PHACTR3: variants seen among roughly 807,000 people sequenced by gnomAD.
PHACTR3 encodes protein phosphatase 1, regulatory subunit 123.
PHACTR3 carries 16 observed loss-of-function variants against 66.8 expected under a neutral mutation model. The ratio of observed to expected loss-of-function variants is 0.24; its 90% CI spans 0.16 to 0.36. The LOEUF is 0.36. PHACTR3 is among the 10% of genes least tolerant of loss of function. The probability of loss-of-function intolerance (pLI) is 1.00; values close to 1 mark genes in which losing one functional copy is unlikely to be tolerated. For missense variants in PHACTR3, 647 were observed against 719.9 expected (o/e 0.90, Z 1.16); for synonymous variants, 323 against 292.1 (o/e 1.11, Z -1.08).
rs547640764 is a variant in PHACTR3, at chr20:59,581,619, C to T, written c.109+4002C>T. 3.3e-5 allele frequency among the ~76,000 whole-genome samples: 5 copies of T among 152,334 alleles called. No individual in the cohort carries two copies. In the East Asian group the frequency reaches 5.8e-4, roughly 18 times the overall value. ...GGCCTAGGCTGGACGTGGTGGCTCA[C>T]GCCTGTAATCCAAACACTATGGGAG... On this transcript the variant is annotated intron_variant, in intron 1 of 12. Coordinates refer to the PHACTR3 transcript ENST00000359926.
At chr20:59,707,457 CTTTTTTTTTTTT>C (rs34134572) in intron 1 of PHACTR3, among the ~76,000 whole-genome samples, 1 of 100,378 alleles carries the variant, frequency 1.0e-5, no homozygotes, top group Non-Finnish European at 1.9e-5. Flanking sequence ...TGCTCCCACT[CTTTTTTTTTTTT>C]TTTTTTTTTG....
chr20:59,811,502 T>C (rs2041734927), intron 8 of PHACTR3, among the ~76,000 whole-genome samples: 2 of 151,886 alleles, frequency 1.3e-5, no homozygotes, highest in African/African-American at 4.8e-5. Flanking sequence ...CTACTGAAAA[T>C]ACAAAAATTA....
chr20:59,809,318 G>A (rs1164846907), intron 8 of PHACTR3, among the ~76,000 whole-genome samples: 1 of 152,132 alleles, frequency 6.6e-6, no homozygotes, highest in Non-Finnish European at 1.5e-5. Flanking sequence ...CCAGCGGTTG[G>A]GACAGCCCTG....
chr20:59,650,760 A>AAT (rs1249774858), intron 1 of PHACTR3, among the ~76,000 whole-genome samples: 2 of 150,964 alleles, frequency 1.3e-5, no homozygotes, highest in Non-Finnish European at 3.0e-5. Flanking sequence ...AAAAAAAAAA[A>AAT]AGTCTCAGGG....
At chr20:59,637,978 A>G (rs1458446074) in intron 1 of PHACTR3, among the ~76,000 whole-genome samples, 1 of 152,196 alleles carries the variant, frequency 6.6e-6, no homozygotes, top group East Asian at 1.9e-4. Flanking sequence ...GCATGAGGAA[A>G]CTAAAGCTCA....
At chr20:59,712,598 C>T (rs1194664335) in intron 1 of PHACTR3, among the ~76,000 whole-genome samples, 1 of 152,174 alleles carries the variant, frequency 6.6e-6, no homozygotes, top group East Asian at 1.9e-4. Context: ...TTGTCCTAAT[C>T]AACTACACAT....
chr20:59,676,614 G>T, intron 1 of PHACTR3: 1 of 812,214 alleles, frequency 1.2e-6, no homozygotes, highest in Non-Finnish European at 1.5e-6. Flanking sequence ...CGAGTCCCCA[G>T]GAGCAAGTGA....
chr20:59,623,383 A>G (rs2034329666), intron 1 of PHACTR3, among the ~76,000 whole-genome samples: 1 of 152,146 alleles, frequency 6.6e-6, no homozygotes, highest in Non-Finnish European at 1.5e-5. Context: ...GTTAAATGAT[A>G]TGATCTGTCA....
chr20:59,729,380 G>A (rs753243676), intron 1 of PHACTR3, among the ~76,000 whole-genome samples: 1 of 152,138 alleles, frequency 6.6e-6, no homozygotes, highest in Non-Finnish European at 1.5e-5. Context: ...AAAGGAAAAG[G>A]AGACCGGGGC....
At chr20:59,721,950 C>T (rs577592704) in intron 1 of PHACTR3, among the ~76,000 whole-genome samples, 1 of 151,510 alleles carries the variant, frequency 6.6e-6, no homozygotes, top group Non-Finnish European at 1.5e-5. Context: ...AAAACAAGGG[C>T]CCAGTCAGGG....
intron 9 of PHACTR3, among the ~76,000 whole-genome samples, chr20:59,839,494 G>A (rs192227617): frequency 6.6e-6 from 1 of 152,298 alleles, no homozygotes; most frequent in African/African-American, 2.4e-5. Context: ...TAGGAGTGCT[G>A]ATTGTTGAAA....
chr20:59,707,428 C>G (rs959867294), intron 1 of PHACTR3, among the ~76,000 whole-genome samples: 1 of 150,780 alleles, frequency 6.6e-6, no homozygotes, highest in African/African-American at 2.4e-5. Context: ...CTGGGGCCTC[C>G]CTTCTTCTTT....
intron 8 of PHACTR3, among the ~76,000 whole-genome samples, chr20:59,808,545 T>A (rs1475680727): frequency 6.6e-6 from 1 of 152,160 alleles, no homozygotes; most frequent in Non-Finnish European, 1.5e-5. Flanking sequence ...CTTCCCTCTT[T>A]AAACCTCAAA....
intron 1 of PHACTR3, among the ~76,000 whole-genome samples, chr20:59,667,416 T>G (rs2036031215): frequency 6.6e-6 from 1 of 152,240 alleles, no homozygotes; most frequent in African/African-American, 2.4e-5. Flanking sequence ...CATTGTCTCA[T>G]TTATTGACTT....
chr20:59,589,859 T>C (rs2033139136), intron 1 of PHACTR3, among the ~76,000 whole-genome samples: 1 of 152,260 alleles, frequency 6.6e-6, no homozygotes, highest in Non-Finnish European at 1.5e-5. Flanking sequence ...GGATTTGCTC[T>C]TTTATTTATT....
intron 8 of PHACTR3, among the ~76,000 whole-genome samples, chr20:59,817,306 C>T (rs1318610716): frequency 3.3e-5 from 5 of 152,192 alleles, no homozygotes; most frequent in Admixed American, 2.6e-4. Context: ...ACGCTTCTGG[C>T]GACACCACTG....
intron 4 of PHACTR3, among the ~76,000 whole-genome samples, chr20:59,764,219 T>C (rs2040099406): frequency 6.6e-6 from 1 of 150,582 alleles, no homozygotes; most frequent in Non-Finnish European, 1.5e-5. Context: ...GACCCAGAAG[T>C]GAGGACACTG....
intron 8 of PHACTR3, among the ~76,000 whole-genome samples, chr20:59,813,778 T>A (rs2041808003): frequency 6.6e-6 from 1 of 151,748 alleles, no homozygotes; most frequent in African/African-American, 2.4e-5. Context: ...GGGCCATGGG[T>A]CCAGGTGGTG....
chr20:59,737,579 T>C (rs892111230), intron 1 of PHACTR3, among the ~76,000 whole-genome samples: 2 of 152,120 alleles, frequency 1.3e-5, no homozygotes, highest in African/African-American at 4.8e-5. Flanking sequence ...TGTGTGTGCG[T>C]GTGTGTGCAT....
Sources: allele counts gnomAD v4.1 joint callset (sites outside exome capture counted in the v4.1 genomes callset), GRCh38; gene constraint gnomAD v4.1.1; transcripts MANE v1.5; gene names NCBI Gene and HGNC (gene_info 2026-07-23, HGNC 2026-07-21).